The following CEP192 variants were observed in gnomAD, a reference collection of about 807,000 sequenced individuals.
CEP192 encodes the protein centrosomal protein 192.
A neutral mutation model predicts 271.8 loss-of-function variants in CEP192; 151 were observed. The observed-to-expected ratio is 0.56, with a 90% CI of 0.49 to 0.64. The LOEUF (loss-of-function observed/expected upper bound fraction) is 0.64, where lower values mean the gene tolerates loss of function less well. Among genes scored for constraint, CEP192 ranks in the 30% least tolerant of loss-of-function variants. CEP192 has a pLI of 0.00. For missense variants in CEP192, 2,910 were observed against 3,020.5 expected, an observed-to-expected ratio of 0.96 and a Z score of 0.86; for synonymous variants, 995 against 1,076.5, an observed-to-expected ratio of 0.92 and a Z score of 1.48.
chr18:13,057,861 T>TC, intron 20 of CEP192, 128 bp downstream of exon 20: 1 of 789,480 alleles, frequency 1.3e-6, no homozygotes, highest in Admixed American at 3.0e-5. Context: ...TGCCATGGTA[T>TC]CTTTCTCTCA....
intron 36 of CEP192, among the ~76,000 whole-genome samples, chr18:13,098,886 C>G (rs2039560090): frequency 6.6e-6 from 1 of 152,158 alleles, no homozygotes; most frequent in Non-Finnish European, 1.5e-5. Flanking sequence ...CCAGCCTGGG[C>G]ACCATTGAGC....
intron 25 of CEP192, 23 bp downstream of exon 25, chr18:13,069,014 C>T: frequency 6.2e-7 from 1 of 1,614,088 alleles, no homozygotes. Context: ...CTCCTTTCTG[C>T]CGTTACTGCT....
chr18:13,030,456 A>G lies in CEP192; in HGVS notation c.1391-9A>G. ...TGTCATTTGATATTTTGGGAATTTT[A>G]TTTTTTAGAAACAGATCTCCCACAG... On this transcript the variant is annotated splice_polypyrimidine_tract_variant and intron_variant, in intron 10 of 44. Transcript: ENST00000506447. 1 of 1,546,028 alleles carries G rather than the reference A, an allele frequency of 6.5e-7. No homozygotes were observed. The highest frequency in any genetic ancestry group is 1.2e-5 in the South Asian group (1 of 83,146).
chr18:13,068,592 A>G (rs2037840590), intron 24 of CEP192, among the ~76,000 whole-genome samples, 170 bp downstream of exon 24: 1 of 152,228 alleles, frequency 6.6e-6, no homozygotes, highest in Non-Finnish European at 1.5e-5. Context: ...AATCCTGTGT[A>G]AGTGTGGGTA....
intron 5 of CEP192, among the ~76,000 whole-genome samples, chr18:13,014,292 T>C (rs1340074987): frequency 6.6e-6 from 1 of 152,084 alleles, no homozygotes; most frequent in Non-Finnish European, 1.5e-5. Context: ...TATAGAAACA[T>C]GAGATGCTTG....
intron 15 of CEP192, 93 bp downstream of exon 15, chr18:13,042,427 G>A (rs186027951): frequency 1.9e-5 from 24 of 1,277,674 alleles, no homozygotes; most frequent in African/African-American, 1.4e-4. Flanking sequence ...AATTTATGCC[G>A]TTTAACATCT....
At chr18:13,039,069 G>A (rs779085454) in intron 13 of CEP192, among the ~76,000 whole-genome samples, 1 of 152,218 alleles carries the variant, frequency 6.6e-6, no homozygotes, top group Non-Finnish European at 1.5e-5. Flanking sequence ...GATAAGTCCT[G>A]TAAAGCATGA....
Position 13,113,761 on chromosome 18 carries a change from G to A in CEP192, c.7167+56G>A. ...TTGTATGTATTTTAAAAACAGAAAG[G>A]GAAATTAATAAGAAAAGTTGGCCTG... is the stretch of plus-strand genomic sequence containing the variant. On this transcript the variant is annotated intron_variant, in intron 41 of 44. Coordinates refer to ENST00000506447, the MANE Select transcript of CEP192 (RefSeq NM_032142.4). 7 of 1,485,576 alleles carry A rather than the reference G, an allele frequency of 4.7e-6. No homozygotes were observed. In the South Asian group the frequency reaches 7.6e-5, roughly 16 times the overall value. The allele number at this position is 1,485,576 out of a possible 1,614,324, so 92.0% of individuals were successfully genotyped here. A position where few individuals can be genotyped will look rare whatever the true frequency, so the allele number is the denominator to read the frequency against.
At chr18:13,104,956 T>C in intron 39 of CEP192, 28 bp from the exon 40 acceptor site, 1 of 1,545,868 alleles carries the variant, frequency 6.5e-7, no homozygotes, top group South Asian at 1.1e-5. Flanking sequence ...TTTATGGTTT[T>C]TAATTTGTTT....
chr18:13,117,704 G>A, intron 44 of CEP192, 61 bp downstream of exon 44: 4 of 1,310,490 alleles, frequency 3.1e-6, no homozygotes, highest in Non-Finnish European at 4.4e-6. Context: ...TCTCTTGGGA[G>A]TTGGGGCTTG....
intron 40 of CEP192, among the ~76,000 whole-genome samples, chr18:13,109,609 A>AT (rs908696878): frequency 6.6e-6 from 1 of 152,214 alleles, no homozygotes; most frequent in African/African-American, 2.4e-5. Context: ...TCATACATCT[A>AT]TTTTAAAAAG....
At chr18:13,099,851 G>A (rs189765855) in intron 37 of CEP192, among the ~76,000 whole-genome samples, 25 of 152,330 alleles carry the variant, frequency 1.6e-4, no homozygotes, top group Non-Finnish European at 2.8e-4. Context: ...GATCTAAAGT[G>A]TATGGGAGGA....
At position 13,056,000 on chromosome 18, in the gene CEP192, G is replaced by A; in HGVS notation, c.3410G>A (p.Ser1137Asn). ...TATGTAAAACCTGACTTTAGATGGA[G>A]TAAAGATCCTTCCTCCAAAAGTGGA... ...PEYVKPDFRW[S>N]KDPSSKSGNL... is the part of the protein sequence containing the mutation. The change falls in exon 19 of 45, where the codon AGT (serine) becomes AAT (asparagine). Residue 1137 changes from serine (S) to asparagine (N), a missense_variant. By Grantham distance (46) the Ser-to-Asn change is conservative. Coordinates refer to ENST00000506447, the MANE Select transcript of CEP192 (RefSeq NM_032142.4). 6.2e-7 allele frequency: 1 copy of A among 1,614,192 alleles called. No individual in the cohort carries two copies. The highest frequency in any genetic ancestry group is 8.5e-7 in the Non-Finnish European group (1 of 1,180,030).
intron 38 of CEP192, among the ~76,000 whole-genome samples, chr18:13,102,452 C>T (rs1661590626): frequency 6.6e-6 from 1 of 152,130 alleles, no homozygotes; most frequent in South Asian, 2.1e-4. Flanking sequence ...TCCTCGGCCC[C>T]CACACCCTTT....
At chr18:13,052,829 A>G (rs8085224) in intron 17 of CEP192, 90 bp from the exon 18 acceptor site, 57 of 955,476 alleles carry the variant, frequency 6.0e-5, no homozygotes, top group Non-Finnish European at 7.9e-5. Context: ...AGTCATTTGC[A>G]AGATTGTAGG....
At chr18:12,998,062 T>G (rs529570579) in intron 1 of CEP192, among the ~76,000 whole-genome samples, 1 of 152,334 alleles carries the variant, frequency 6.6e-6, no homozygotes, top group African/African-American at 2.4e-5. Context: ...TTCTTCTTTT[T>G]CTTTTTATAT....
chr18:13,025,757 C>A (rs1236910631), intron 9 of CEP192, among the ~76,000 whole-genome samples: 1 of 152,090 alleles, frequency 6.6e-6, no homozygotes, highest in Non-Finnish European at 1.5e-5. Flanking sequence ...TGCTATCATT[C>A]ATTTCACTTA....
chr18:13,009,697 A>C (rs940873540), intron 4 of CEP192, among the ~76,000 whole-genome samples: 1 of 152,142 alleles, frequency 6.6e-6, no homozygotes, highest in Non-Finnish European at 1.5e-5. Context: ...GCCAGACATC[A>C]TGGTGGCTAC....
At chr18:13,088,808 T>C in intron 32 of CEP192, 2 of 407,276 alleles carry the variant, frequency 4.9e-6, no homozygotes, top group South Asian at 3.6e-5. Flanking sequence ...TACATGATGT[T>C]AGAACAGACC....
Sources: gnomAD v4.1 joint callset for allele counts (sites outside exome capture counted in the v4.1 genomes callset) on GRCh38, gnomAD v4.1.1 for gene constraint, MANE v1.5 for transcripts, NCBI Gene and HGNC (gene_info 2026-07-23, HGNC 2026-07-21) for gene names.